CACNB1: variants seen among roughly 807,000 people sequenced by gnomAD.
The protein encoded by CACNB1 is calcium voltage-gated channel auxiliary subunit beta 1.
In CACNB1, 29 loss-of-function variants were observed where a neutral mutation model predicts 71.6. The ratio of observed to expected loss-of-function variants is 0.40; its 90% CI spans 0.30 to 0.55. The LOEUF (loss-of-function observed/expected upper bound fraction) is 0.55, where lower values mean the gene tolerates loss of function less well. Ranked by LOEUF, CACNB1 falls within the 20% of genes least tolerant of loss-of-function variation. The pLI, the probability that CACNB1 is intolerant of heterozygous loss-of-function variation, is 0.38. For synonymous variants in CACNB1, 300 were observed against 319.6 expected (o/e 0.94, Z 0.65); for missense variants, 623 against 801.8 (o/e 0.78, Z 2.69).
intron 11 of CACNB1, among the ~76,000 whole-genome samples, chr17:39,181,343 C>T (rs1036909875): frequency 6.6e-6 from 1 of 152,164 alleles, no homozygotes; most frequent in African/African-American, 2.4e-5. Flanking sequence ...ATCCGCCGGC[C>T]TCGGGCTCCC....
Position 39,194,035 on chromosome 17 carries a change from C to T in CACNB1, c.171+849G>A, listed in dbSNP as rs1404669069. ...CAAGGTGGAAGGGAGGGGCTCATCTCCAGAGGACCCCTCCTCTGTGCTGTC... is the reference window on the plus strand; with the variant it reads ...CAAGGTGGAAGGGAGGGGCTCATCTTCAGAGGACCCCTCCTCTGTGCTGTC... On this transcript the variant is annotated intron_variant, in intron 2 of 13. Transcript: ENST00000394303. This position sits in a 1 kb window ranked among gnomAD's most constrained non-coding sequence, Gnocchi z 4.6. Among the ~76,000 whole-genome samples, 1 of 152,118 alleles carries T rather than the reference C, an allele frequency of 6.6e-6. No homozygotes were observed. The highest frequency in any genetic ancestry group is 6.5e-5 in the Admixed American group (1 of 15,272).
rs1187872693 is a variant in CACNB1 at position 39,181,663 on chromosome 17, C to T, written c.1050+2050G>A. On this transcript the variant is annotated intron_variant, in intron 11 of 13. Transcript: ENST00000394303. ...TTATCTCATTTGGTCCTTTCAACTC[C>T]CCTCAGGAAGTACTTAAATCCCATC... 2.0e-5 allele frequency among the ~76,000 whole-genome samples: 3 copies of T among 152,156 alleles called. No individual in the cohort carries two copies. The East Asian group carries it at 5.8e-4, about 29-fold the overall frequency.
At chr17:39,193,386 C>A in intron 2 of CACNB1, 1 of 403,380 alleles carries the variant, frequency 2.5e-6, no homozygotes, top group Non-Finnish European at 5.1e-6. Flanking sequence ...TAAAGGCTGC[C>A]CTCCGTCAGC....
intron 1 of CACNB1, 25 bp downstream of exon 1, chr17:39,197,387 G>T (rs1168122777): frequency 1.4e-6 from 2 of 1,417,830 alleles, no homozygotes; most frequent in Non-Finnish European, 9.3e-7. Context: ...ACCCCCTCCC[G>T]TTGGGCCGGG....
intron 11 of CACNB1, 141 bp downstream of exon 11, chr17:39,183,572 T>C (rs2045846623): frequency 1.4e-6 from 1 of 706,958 alleles, no homozygotes; most frequent in Admixed American, 3.0e-5. Context: ...CACTTGACAA[T>C]ACGATGGAGC....
At chr17:39,184,301 G>T in intron 9 of CACNB1, 24 bp downstream of exon 9, 1 of 1,499,982 alleles carries the variant, frequency 6.7e-7, no homozygotes, top group Non-Finnish European at 9.1e-7. Flanking sequence ...CGGCAGGTGC[G>T]AGGAGCAGCT....
In CACNB1 at chr17:39,184,078, G is replaced by C; in HGVS notation, c.851C>G (p.Pro284Arg). ...SLAKRSVLNN[P>R]SKHIIIERSN... ...GCGCTCAATGATGATGTGTTTGCTG[G>C]GGTTGTTGAGAACTGAGCGCTTAGC... The change falls in exon 10 of 14, where the codon CCC becomes CGC. Residue 284 changes from proline (P) to arginine (R), a missense_variant. Physicochemically the swap from Pro to Arg is moderately radical, Grantham distance 103. Transcript: ENST00000394303. 1 of 1,613,912 alleles carries C rather than the reference G, an allele frequency of 6.2e-7. No homozygotes were observed. The highest frequency in any genetic ancestry group is 8.5e-7 in the Non-Finnish European group (1 of 1,179,890).
chr17:39,176,211 C>A (rs763274876), intron 13 of CACNB1, among the ~76,000 whole-genome samples: 10 of 152,310 alleles, frequency 6.6e-5, no homozygotes, highest in Admixed American at 6.5e-4. Context: ...CCCTTGCCCC[C>A]AACAAGCACT....
At chr17:39,191,995 TC>T (rs1179624168) in intron 2 of CACNB1, 1 of 232,476 alleles carries the variant, frequency 4.3e-6, no homozygotes, top group African/African-American at 2.4e-5. Flanking sequence ...TGGCATCCAT[TC>T]CAGGGACTGC....
rs759353058 is a variant in CACNB1, at chr17:39,175,670, C to T, written c.1333-13G>A. 2.6e-5 allele frequency: 40 copies of T among 1,535,136 alleles called. No homozygotes were observed. In the South Asian group the frequency reaches 4.6e-4, roughly 18 times the overall value. ...CAAGGTAGGGTCCCTGGTTAGCAGA[C>T]GGACAGCACACACCATGCAGATCAG... is the stretch of plus-strand genomic sequence containing the variant. On this transcript the variant is annotated splice_polypyrimidine_tract_variant and intron_variant, in intron 13 of 13. Coordinates refer to ENST00000394303, the MANE Select transcript of CACNB1 (RefSeq NM_000723.5). The surrounding 1 kb of genome is among the most constrained non-coding windows in gnomAD (Gnocchi z 4.7).
At chr17:39,183,398 G>A (rs1318786153) in intron 11 of CACNB1, among the ~76,000 whole-genome samples, 1 of 149,810 alleles carries the variant, frequency 6.7e-6, no homozygotes, top group Non-Finnish European at 1.5e-5. Flanking sequence ...AAGTAGCTGG[G>A]TGGCACTGGA....
At chr17:39,197,301 T>C in intron 1 of CACNB1, 111 bp downstream of exon 1, 1 of 495,586 alleles carries the variant, frequency 2.0e-6, no homozygotes. Flanking sequence ...GGCATCCCTC[T>C]CTCCTCCGCG....
Position 39,183,709 on chromosome 17 carries a change from C to T in CACNB1, c.1050+4G>A, listed in dbSNP as rs79018799. 631 of 1,591,248 alleles carry T rather than the reference C, an allele frequency of 4.0e-4. 1 individual carries two copies. The African/African-American group carries it at 7.7e-3, about 19-fold the overall frequency. The stretch of plus-strand genomic sequence containing the variant: ...CCTGGCCAGGGTCAGGCTCCTGCAC[C>T]CACCTTGGGAGAGGTGATCTTGATG... On this transcript the variant is annotated splice_donor_region_variant and intron_variant, in intron 11 of 13. Transcript: ENST00000394303.
chr17:39,191,275 C>CACTTATTAT (rs138131266), intron 3 of CACNB1, among the ~76,000 whole-genome samples, 199 bp downstream of exon 3: 49,928 of 151,518 alleles, frequency 0.33, 9,409 homozygotes, highest in Non-Finnish European at 0.44. Flanking sequence ...TAATAACACG[C>CACTTATTAT]ACTTATTATA....
At chr17:39,182,192 T>C (rs2045784516) in intron 11 of CACNB1, among the ~76,000 whole-genome samples, 1 of 144,224 alleles carries the variant, frequency 6.9e-6, no homozygotes, top group Non-Finnish European at 1.5e-5. Flanking sequence ...AGGTGTGGTG[T>C]GTGCCCGTAA....
At chr17:39,191,813 C>A (rs1375330525) in intron 2 of CACNB1, 4 of 527,298 alleles carry the variant, frequency 7.6e-6, no homozygotes, top group Non-Finnish European at 9.8e-6. Context: ...GTGACAGCAG[C>A]AAGCAGGAGA....
chr17:39,189,729 C>A (rs914385631), intron 3 of CACNB1, among the ~76,000 whole-genome samples: 7 of 151,540 alleles, frequency 4.6e-5, no homozygotes, highest in Non-Finnish European at 1.0e-4. Context: ...AATGCCCGAC[C>A]TCAGGTGATC....
Position 39,183,818 on chromosome 17 carries a change from G to A in CACNB1, c.945C>T (p.Thr315=), listed in dbSNP as rs1353807431. 1 of 1,614,066 alleles carries A rather than the reference G, an allele frequency of 6.2e-7. No individual in the cohort carries two copies. The highest frequency in any genetic ancestry group is 8.5e-7 in the Non-Finnish European group (1 of 1,179,966). Residue 315 remains threonine (T), a synonymous_variant, in exon 11 of 14, where the codon ACC becomes ACT. Coordinates refer to ENST00000394303, the MANE Select transcript of CACNB1 (RefSeq NM_000723.5). The stretch of plus-strand genomic sequence containing the variant: ...CAGCATCCAGAGCGACCAACTGAAG[G>A]GTCCGGGCCAGCTCGAAGATTCGCT... The part of the protein sequence containing the change: ...EIERIFELAR[T]LQLVALDADT...
rs1325592674 is a variant in CACNB1, at chr17:39,192,898, G to C, written c.172-1305C>G. The C allele has an allele frequency of 2.0e-5, 3 of 152,652 alleles. No homozygotes were observed. The East Asian group carries it at 5.8e-4, about 29-fold the overall frequency. 9.5% of individuals were successfully genotyped at this position (152,652 alleles called of 1,614,324 possible). A position where few individuals can be genotyped will look rare whatever the true frequency, so the allele number is the denominator to read the frequency against. On this transcript the variant is annotated intron_variant, in intron 2 of 13. Transcript: ENST00000394303. Reference sequence around the variant, plus strand: ...GGTGGAGCGGGGGTCACTAACAGAAGTGGGGAAAGAGGCATGAAGGAGAGA... The same window carrying C: ...GGTGGAGCGGGGGTCACTAACAGAACTGGGGAAAGAGGCATGAAGGAGAGA...
Sources: gnomAD v4.1 joint callset for allele counts (sites outside exome capture counted in the v4.1 genomes callset) on GRCh38, gnomAD v4.1.1 for gene constraint, Gnocchi (gnomAD v3.1) non-coding constraint, MANE v1.5 for transcripts, NCBI Gene and HGNC (gene_info 2026-07-23, HGNC 2026-07-21) for gene names.